FAM13B: variants seen among roughly 807,000 people sequenced by gnomAD.
FAM13B encodes family with sequence similarity 13 member B, also known as protein FAM13B.
In FAM13B, 60 loss-of-function variants were observed where a neutral mutation model predicts 117.3. The ratio of observed to expected loss-of-function variants is 0.51; its 90% confidence interval spans 0.42 to 0.63. The LOEUF is 0.63. Among genes scored for constraint, FAM13B ranks in the 30% least tolerant of loss-of-function variants. The pLI is 0.00. For synonymous variants in FAM13B, 332 were observed against 356.1 expected, an observed-to-expected ratio of 0.93 and a Z score of 0.76; for missense variants, 972 against 1,091.9, an observed-to-expected ratio of 0.89 and a Z score of 1.55.
intron 1 of FAM13B, among the ~76,000 whole-genome samples, chr5:138,041,022 C>T (rs1318621318): frequency 1.3e-5 from 2 of 150,028 alleles, no homozygotes; most frequent in African/African-American, 4.9e-5. Flanking sequence ...TGAGATTGCG[C>T]CACTGCACTC....
chr5:137,974,935 C>T (rs1351138360), intron 10 of FAM13B, among the ~76,000 whole-genome samples: 2 of 152,088 alleles, frequency 1.3e-5, no homozygotes, highest in Non-Finnish European at 2.9e-5. Context: ...GTGAAAATGA[C>T]ACAAAATTCA....
At position 137,945,928 on chromosome 5, in the gene FAM13B, T is replaced by C. The variant is rs1217956956; in HGVS notation, c.2314A>G (p.Thr772Ala). Reference protein sequence around the residue: ...DRYRLVKQMLTRASITPVLGS... With the variant: ...DRYRLVKQMLARASITPVLGS... ...AGGACAGGAGTGATGCTAGCTCTTG[T>C]CAGCATTTGTTTTACAAGCCTGTAT... The change falls in exon 20 of 24, where the codon ACA becomes GCA. Residue 772 changes from threonine to alanine, a missense_variant. Physicochemically the swap from Thr to Ala is moderately conservative, Grantham distance 58. Coordinates refer to ENST00000689681, the MANE Select transcript of FAM13B (RefSeq NM_001385994.1). 6.2e-7 allele frequency: 1 copy of C among 1,613,412 alleles called. No homozygotes were observed. Among genetic ancestry groups the C allele is most frequent in the Non-Finnish European group, 8.5e-7 (1 of 1,179,574 alleles).
intron 10 of FAM13B, among the ~76,000 whole-genome samples, chr5:137,966,478 TATATATATATAG>T (rs1264896521): frequency 3.1e-5 from 2 of 64,416 alleles, no homozygotes; most frequent in African/African-American, 5.4e-5. Context: ...TATATATATA[TATATATATATAG>T]AGAGAGAGAG....
At position 138,008,999 on chromosome 5, in the gene FAM13B, C is replaced by T. The variant is rs148162045; in HGVS notation, c.691-1852G>A. On this transcript the variant is annotated intron_variant, in intron 6 of 23. Transcript: ENST00000689681. ...CTATACTAAAAATACAAAAATTAGCCGGATGTGGTGGCATGTGCCCGTAAT... is the reference window on the plus strand; with the variant it reads ...CTATACTAAAAATACAAAAATTAGCTGGATGTGGTGGCATGTGCCCGTAAT... 1.2e-3 allele frequency among the ~76,000 whole-genome samples: 183 copies of T among 152,266 alleles called. 2 individuals are homozygous for T. In the East Asian group the frequency reaches 0.023, roughly 19 times the overall value.
chr5:137,982,618 T>A (rs1202354851), intron 10 of FAM13B, among the ~76,000 whole-genome samples: 1 of 152,194 alleles, frequency 6.6e-6, no homozygotes, highest in Non-Finnish European at 1.5e-5. Context: ...CACAGGGACA[T>A]AGAAAAGAAT....
At chr5:138,024,966 G>A (rs1787891071) in intron 1 of FAM13B, among the ~76,000 whole-genome samples, 2 of 151,838 alleles carry the variant, frequency 1.3e-5, no homozygotes, top group South Asian at 4.2e-4. Context: ...TGTCTCCTGG[G>A]CTCAAGCGAT....
In FAM13B at chr5:137,998,844, C is replaced by T. The variant is rs571423802; in HGVS notation, c.848+8146G>A. ...ATCATGGTCCTCTTCCCTGGGTCAC[C>T]GGGGCAGCCCCATCCTTTGAACGGT... On this transcript the variant is annotated intron_variant, in intron 7 of 23. Transcript: ENST00000689681. Among the ~76,000 whole-genome samples, 334 of 152,320 alleles carry T rather than the reference C, an allele frequency of 2.2e-3. 3 individuals carry two copies. Among genetic ancestry groups the T allele is most frequent in the African/African-American group, 7.5e-3 (312 of 41,572 alleles).
Position 138,033,031 on chromosome 5 carries a change from G to A in FAM13B, c.-452C>T. The A allele has an allele frequency of 1.0e-6, 1 of 986,872 alleles. No homozygotes were observed. The highest frequency in any genetic ancestry group is 1.2e-6 in the Non-Finnish European group (1 of 831,138). The allele number at this position is 986,872 out of a possible 1,614,324, so 61.1% of individuals were successfully genotyped here. On this transcript the variant is annotated 5_prime_UTR_variant, in exon 1 of 24. Transcript: ENST00000689681. Reference sequence around the variant, plus strand: ...GGGGGAGAGAGTGGCGACAGAGGCGGCGGCTGAGGTGCAGAGCCTCCCTAA... The same window carrying A: ...GGGGGAGAGAGTGGCGACAGAGGCGACGGCTGAGGTGCAGAGCCTCCCTAA...
chr5:137,986,664 G>A lies in FAM13B; in HGVS notation c.1046+797C>T, dbSNP rs1777322721. On this transcript the variant is annotated intron_variant, in intron 9 of 23. Coordinates refer to ENST00000689681, the MANE Select transcript of FAM13B (RefSeq NM_001385994.1). Reference sequence around the variant, plus strand: ...ATTATTCCTTGTCGGAAAAGCTTCGGACCAGAAGTGTTTCAGATTTGTTTT... The same window carrying A: ...ATTATTCCTTGTCGGAAAAGCTTCGAACCAGAAGTGTTTCAGATTTGTTTT... Among the ~76,000 whole-genome samples, 3 of 152,150 alleles carry A rather than the reference G, an allele frequency of 2.0e-5. No homozygotes were observed. In the South Asian group the frequency reaches 6.2e-4, roughly 32 times the overall value.
At chr5:137,989,869 A>G (rs1007098227) in intron 7 of FAM13B, among the ~76,000 whole-genome samples, 1 of 150,682 alleles carries the variant, frequency 6.6e-6, no homozygotes, top group Non-Finnish European at 1.5e-5. Context: ...TTGGAACTTC[A>G]TTTCTGAAAT....
chr5:138,021,050 T>C lies in FAM13B; in HGVS notation c.-55A>G, dbSNP rs986884537. ...ACTTACCTTTCAGTACTTAAATACC[T>C]AAGTTTAAAAAATGGCTTCTGCACC... On this transcript the variant is annotated 5_prime_UTR_variant, in exon 2 of 24. Coordinates refer to ENST00000689681, the MANE Select transcript of FAM13B (RefSeq NM_001385994.1). 56 of 1,231,420 alleles carry C rather than the reference T, an allele frequency of 4.5e-5. No homozygotes were observed. The highest frequency in any genetic ancestry group is 3.1e-4 in the Middle Eastern group (1 of 3,226). The allele number at this position is 1,231,420 out of a possible 1,614,324, so 76.3% of individuals were successfully genotyped here.
intron 7 of FAM13B, among the ~76,000 whole-genome samples, chr5:137,993,601 T>C (rs1009066963): frequency 2.0e-5 from 3 of 150,522 alleles, no homozygotes; most frequent in African/African-American, 7.3e-5. Context: ...GCCTACAAGA[T>C]GAAACCTCGT....
At chr5:138,038,134 C>T (rs1791334248) in intron 1 of FAM13B, among the ~76,000 whole-genome samples, 1 of 152,136 alleles carries the variant, frequency 6.6e-6, no homozygotes, top group Non-Finnish European at 1.5e-5. Flanking sequence ...CCAGTGTGAA[C>T]ACCTTTCTTG....
intron 6 of FAM13B, among the ~76,000 whole-genome samples, chr5:138,009,128 A>G (rs1297263458): frequency 6.6e-6 from 1 of 152,260 alleles, no homozygotes; most frequent in East Asian, 1.9e-4. Context: ...AAACACAGCA[A>G]GACTTTGTCT....
At chr5:137,985,211 A>C (rs1776878983) in intron 10 of FAM13B, 46 bp downstream of exon 10, 3 of 1,585,900 alleles carry the variant, frequency 1.9e-6, no homozygotes, top group African/African-American at 1.3e-5. Context: ...AAACACATGA[A>C]GCAATCAAAG....
intron 7 of FAM13B, among the ~76,000 whole-genome samples, chr5:137,995,926 C>T (rs911294840): frequency 6.6e-6 from 1 of 152,106 alleles, no homozygotes; most frequent in Non-Finnish European, 1.5e-5. Context: ...CTGGTACTTC[C>T]ACCAAAGTAT....
At position 138,006,986 on chromosome 5, in the gene FAM13B, T is replaced by C. The variant is rs2150842839; in HGVS notation, c.848+4A>G. The C allele has an allele frequency of 1.2e-6, 2 of 1,600,866 alleles. No homozygotes were observed. The highest frequency in any genetic ancestry group is 8.5e-7 in the Non-Finnish European group (1 of 1,176,416). Reference sequence around the variant, plus strand: ...AGCTAAAGTTCATTCAACTGAGCTATTACCTTGTTGCCGTAACACTATTTG... The same window carrying C: ...AGCTAAAGTTCATTCAACTGAGCTACTACCTTGTTGCCGTAACACTATTTG... On this transcript the variant is annotated splice_donor_region_variant and intron_variant, in intron 7 of 23. Coordinates refer to ENST00000689681, the MANE Select transcript of FAM13B (RefSeq NM_001385994.1).
chr5:137,985,249 T>C lies in FAM13B; in HGVS notation c.1179+8A>G. 1.2e-6 allele frequency: 2 copies of C among 1,612,004 alleles called. No homozygotes were observed. The highest frequency in any genetic ancestry group is 4.5e-5 in the East Asian group (2 of 44,810). The stretch of plus-strand genomic sequence containing the variant: ...GTACATCTAACACATATTTTTGACA[T>C]TCCTTACCTGGGTATTTTCTTCATT... On this transcript the variant is annotated splice_region_variant and intron_variant, in intron 10 of 23. Coordinates refer to ENST00000689681, the MANE Select transcript of FAM13B (RefSeq NM_001385994.1).
intron 10 of FAM13B, among the ~76,000 whole-genome samples, chr5:137,984,144 G>A (rs756787496): frequency 2.0e-5 from 3 of 152,198 alleles, no homozygotes; most frequent in Non-Finnish European, 2.9e-5. Context: ...AAGAAAGGAT[G>A]CCAACAGTGG....
Sources: gnomAD v4.1 joint callset for allele counts (sites outside exome capture counted in the v4.1 genomes callset) on GRCh38, gnomAD v4.1.1 for gene constraint, MANE v1.5 for transcripts, NCBI Gene and HGNC (gene_info 2026-07-23, HGNC 2026-07-21) for gene names.